The following PAQR5 variants were observed in gnomAD, a reference collection of about 807,000 sequenced individuals.
PAQR5 encodes the protein membrane progestin receptor gamma.
In PAQR5, 20 loss-of-function variants were observed where a neutral mutation model predicts 34.5. That is an observed-to-expected ratio of 0.58 (90% confidence interval 0.41 to 0.84). PAQR5 has a LOEUF of 0.84. Among genes scored for constraint, PAQR5 ranks in the 40% least tolerant of loss-of-function variants. PAQR5 has a pLI of 0.00. For synonymous variants in PAQR5, 131 were observed against 155.6 expected, an observed-to-expected ratio of 0.84 and a Z score of 1.18; for missense variants, 378 against 412.7, an observed-to-expected ratio of 0.92 and a Z score of 0.73.
intron 7 of PAQR5, 76 bp downstream of exon 7, chr15:69,397,640 G>C: frequency 1.0e-6 from 1 of 978,028 alleles, no homozygotes; most frequent in South Asian, 1.3e-5. Flanking sequence ...CTTCTGGGGG[G>C]TCACAGCACT....
At chr15:69,299,933 C>A (rs2053491664) in intron 1 of PAQR5, among the ~76,000 whole-genome samples, 1 of 152,050 alleles carries the variant, frequency 6.6e-6, no homozygotes, top group South Asian at 2.1e-4. Context: ...TTCATTTGAA[C>A]CTAACAAACC....
chr15:69,362,476 G>T (rs1301770769), intron 3 of PAQR5, among the ~76,000 whole-genome samples: 1 of 152,148 alleles, frequency 6.6e-6, no homozygotes, highest in Non-Finnish European at 1.5e-5. Context: ...ATTAAAAATG[G>T]AATGCACAAT....
rs1203314825 is a variant in PAQR5 at position 69,403,642 on chromosome 15, C to G, written c.813C>G (p.Ala271=). Residue 271 remains alanine, a synonymous_variant, in exon 9 of 9, where the codon GCC becomes GCG. Transcript: ENST00000395407. ...VILATHMQME[A]ILLDKTLRKE... Reference sequence around the variant, plus strand: ...TGGCCACGCACATGCAGATGGAAGCCATACTTCTGGACAAGACTCTGAGGA... The same window carrying G: ...TGGCCACGCACATGCAGATGGAAGCGATACTTCTGGACAAGACTCTGAGGA... 6.2e-7 allele frequency: 1 copy of G among 1,614,120 alleles called. No homozygotes were observed. The highest frequency in any genetic ancestry group is 8.5e-7 in the Non-Finnish European group (1 of 1,179,976).
At chr15:69,355,571 C>T (rs1053512108) in intron 2 of PAQR5, among the ~76,000 whole-genome samples, 11 of 151,600 alleles carry the variant, frequency 7.3e-5, no homozygotes, top group Non-Finnish European at 1.5e-4. Context: ...CAGGCATTCG[C>T]CACCACGCCC....
intron 5 of PAQR5, 139 bp from the exon 6 acceptor site, chr15:69,389,515 G>C (rs1567037557): frequency 2.9e-6 from 3 of 1,040,604 alleles, no homozygotes; most frequent in Non-Finnish European, 4.3e-6. Context: ...CCTAGAAGGG[G>C]GAATGGCACC....
chr15:69,379,441 G>A (rs912856480), intron 3 of PAQR5: 9 of 985,044 alleles, frequency 9.1e-6, no homozygotes, highest in African/African-American at 5.2e-5. Context: ...TCCTGGCACC[G>A]GGGGCATCTT....
At chr15:69,361,812 A>G (rs1377701887) in intron 3 of PAQR5, among the ~76,000 whole-genome samples, 2 of 152,172 alleles carry the variant, frequency 1.3e-5, no homozygotes, top group Admixed American at 6.5e-5. Flanking sequence ...GCCAAATTAT[A>G]TCAGGGAGGA....
chr15:69,374,634 G>A (rs558738719), intron 3 of PAQR5, among the ~76,000 whole-genome samples: 12 of 152,224 alleles, frequency 7.9e-5, no homozygotes, highest in Admixed American at 1.3e-4. Flanking sequence ...CCGAGATCGC[G>A]CCACTGCACT....
chr15:69,350,940 G>A (rs1466649585), intron 2 of PAQR5, among the ~76,000 whole-genome samples: 10 of 152,324 alleles, frequency 6.6e-5, no homozygotes, highest in Admixed American at 1.3e-4. Context: ...CTAGACACCG[G>A]CTCTGTGCTG....
intron 1 of PAQR5, among the ~76,000 whole-genome samples, chr15:69,324,196 G>A (rs78062638): frequency 0.041 from 6,244 of 152,008 alleles, 269 homozygotes; most frequent in East Asian, 0.15. Flanking sequence ...AAGCTGGGAG[G>A]TCACCATGGC....
chr15:69,324,335 G>A (rs2054198896), intron 1 of PAQR5, among the ~76,000 whole-genome samples: 1 of 152,140 alleles, frequency 6.6e-6, no homozygotes, highest in African/African-American at 2.4e-5. Context: ...AGGCACAGGA[G>A]AGAGCATTAA....
chr15:69,384,430 T>C (rs535126154), intron 4 of PAQR5, among the ~76,000 whole-genome samples: 3 of 83,208 alleles, frequency 3.6e-5, no homozygotes, highest in African/African-American at 1.4e-4. Flanking sequence ...GTGTTCATGG[T>C]GGAGGGTGAG....
At chr15:69,399,751 C>T (rs1020224361) in intron 7 of PAQR5, among the ~76,000 whole-genome samples, 5 of 152,220 alleles carry the variant, frequency 3.3e-5, no homozygotes, top group Admixed American at 1.3e-4. Flanking sequence ...GAGTCTCAAT[C>T]GACCACACTC....
chr15:69,330,038 C>T (rs918632246), intron 1 of PAQR5, among the ~76,000 whole-genome samples: 3 of 152,200 alleles, frequency 2.0e-5, no homozygotes, highest in African/African-American at 7.2e-5. Context: ...TCATTTGGAA[C>T]AAGCCCAGCC....
intron 5 of PAQR5, among the ~76,000 whole-genome samples, chr15:69,389,321 G>A (rs1369602048): frequency 6.6e-6 from 1 of 152,222 alleles, no homozygotes; most frequent in Non-Finnish European, 1.5e-5. Context: ...GACCCTGGGC[G>A]AGTGATTAAA....
At chr15:69,343,724 G>A (rs552398888) in intron 2 of PAQR5, among the ~76,000 whole-genome samples, 56 of 152,304 alleles carry the variant, frequency 3.7e-4, no homozygotes, top group African/African-American at 1.3e-3. Flanking sequence ...ATTTGTGGGT[G>A]TGTGTGTTAG....
At chr15:69,305,673 G>T (rs1278750095) in intron 1 of PAQR5, among the ~76,000 whole-genome samples, 1 of 152,004 alleles carries the variant, frequency 6.6e-6, no homozygotes, top group East Asian at 1.9e-4. Flanking sequence ...GCCCTGGGAG[G>T]GGACACAGGA....
intron 6 of PAQR5, chr15:69,397,152 T>C (rs1191296878): frequency 4.2e-6 from 2 of 471,260 alleles, no homozygotes; most frequent in African/African-American, 4.1e-5. Context: ...TTTTAAAAGG[T>C]TCTTTGGCAG....
chr15:69,361,352 GA>G (rs1188645818), intron 3 of PAQR5, among the ~76,000 whole-genome samples: 2 of 152,186 alleles, frequency 1.3e-5, no homozygotes, highest in African/African-American at 4.8e-5. Flanking sequence ...TGGTCAGGAA[GA>G]TTTTTAAATG....
Sources: gnomAD v4.1 joint callset for allele counts (sites outside exome capture counted in the v4.1 genomes callset) on GRCh38, gnomAD v4.1.1 for gene constraint, MANE v1.5 for transcripts, NCBI Gene and HGNC (gene_info 2026-07-23, HGNC 2026-07-21) for gene names.